The following METTL15 variants were observed in gnomAD, a reference collection of about 807,000 sequenced individuals.
The protein encoded by METTL15 is methyltransferase 15, mitochondrial 12S rRNA N4-cytidine.
METTL15 carries 34 observed loss-of-function variants against 38.3 expected under a neutral mutation model. The ratio of observed to expected loss-of-function variants is 0.89; its 90% CI spans 0.68 to 1.18. The LOEUF (loss-of-function observed/expected upper bound fraction) is 1.18, where lower values mean the gene tolerates loss of function less well. Ranked by LOEUF, METTL15 falls within the 50% of genes most tolerant of loss-of-function variation. The pLI, the probability that METTL15 is intolerant of heterozygous loss-of-function variation, is 0.00. For synonymous variants in METTL15, 162 were observed against 170.9 expected (o/e 0.95, Z 0.41); for missense variants, 438 against 498.4 (o/e 0.88, Z 1.15).
chr11:28,386,246 A>G (rs779821689), intron 5 of METTL15, among the ~76,000 whole-genome samples: 20 of 152,122 alleles, frequency 1.3e-4, no homozygotes, highest in East Asian at 7.7e-4. Flanking sequence ...GCAGTTTTAA[A>G]TCTTTCCCTA....
chr11:28,374,740 T>C (rs1005911217), intron 5 of METTL15, among the ~76,000 whole-genome samples: 9 of 151,556 alleles, frequency 5.9e-5, no homozygotes, highest in Middle Eastern at 3.4e-3. Flanking sequence ...CCCTGTCTTG[T>C]GCCAGTTTTC....
At chr11:28,483,047 A>C (rs1039251854) in intron 6 of METTL15, among the ~76,000 whole-genome samples, 5 of 152,090 alleles carry the variant, frequency 3.3e-5, no homozygotes, top group Non-Finnish European at 1.5e-5. Context: ...GAAAAAAAAA[A>C]ATGCTGCTAA....
intron 4 of METTL15, among the ~76,000 whole-genome samples, chr11:28,262,296 TATATAC>T (rs1229597058): frequency 1.3e-5 from 2 of 151,336 alleles, no homozygotes; most frequent in Non-Finnish European, 2.9e-5. Context: ...TATATATGTA[TATATAC>T]ATATATATGA....
intron 4 of METTL15, among the ~76,000 whole-genome samples, chr11:28,353,475 C>T (rs1850059655): frequency 6.6e-6 from 1 of 152,112 alleles, no homozygotes; most frequent in Non-Finnish European, 1.5e-5. Flanking sequence ...ATGATTATGT[C>T]TGTTAGAGGA....
chr11:28,398,429 T>C (rs1473737642), intron 5 of METTL15, among the ~76,000 whole-genome samples: 1 of 152,160 alleles, frequency 6.6e-6, no homozygotes, highest in Non-Finnish European at 1.5e-5. Context: ...TAATGACCAG[T>C]GATGATGAGC....
At chr11:28,492,461 C>T (rs185143233) in intron 6 of METTL15, among the ~76,000 whole-genome samples, 4 of 151,462 alleles carry the variant, frequency 2.6e-5, no homozygotes, top group African/African-American at 4.8e-5. Context: ...CCTTTGACTT[C>T]GTATTCTTGC....
chr11:28,192,578 A>T (rs1433017491), intron 3 of METTL15, among the ~76,000 whole-genome samples: 1 of 151,928 alleles, frequency 6.6e-6, no homozygotes, highest in Non-Finnish European at 1.5e-5. Context: ...TATTTCTTGG[A>T]AGATATTTTT....
At chr11:28,374,372 G>T in intron 5 of METTL15, among the ~76,000 whole-genome samples, 1 of 152,002 alleles carries the variant, frequency 6.6e-6, no homozygotes, top group Non-Finnish European at 1.5e-5. Context: ...CCTTGAAGAG[G>T]TCCTTCACAT....
intron 3 of METTL15, among the ~76,000 whole-genome samples, chr11:28,119,499 A>G (rs904523902): frequency 1.3e-5 from 2 of 152,198 alleles, no homozygotes; most frequent in Non-Finnish European, 2.9e-5. Context: ...GATCTGAAAA[A>G]ACAGATACAA....
chr11:28,194,124 C>CTTTCTTTCTTTCTTTCTTTCTT (rs1851803792), intron 3 of METTL15, among the ~76,000 whole-genome samples: 1 of 105,622 alleles, frequency 9.5e-6, no homozygotes, highest in Non-Finnish European at 1.9e-5. Context: ...GATGGTTGAT[C>CTTTCTTTCTTTCTTTCTTTCTT]TTTCTTTCTT....
At chr11:28,265,929 A>G (rs554900039) in intron 4 of METTL15, among the ~76,000 whole-genome samples, 33 of 152,328 alleles carry the variant, frequency 2.2e-4, no homozygotes, top group Non-Finnish European at 3.1e-4. Context: ...ATCATTTAAC[A>G]TTAGGTATAT....
At chr11:28,210,227 C>G (rs951025067) in intron 3 of METTL15, among the ~76,000 whole-genome samples, 5 of 151,976 alleles carry the variant, frequency 3.3e-5, no homozygotes, top group African/African-American at 7.2e-5. Context: ...GTGATTTGTA[C>G]TTAAGTACAT....
chr11:28,433,526 A>G (rs1188568621), intron 6 of METTL15, among the ~76,000 whole-genome samples: 3 of 152,214 alleles, frequency 2.0e-5, no homozygotes, highest in African/African-American at 7.2e-5. Flanking sequence ...TTTTCCAAGG[A>G]TACTGTAAAA....
intron 6 of METTL15, among the ~76,000 whole-genome samples, chr11:28,518,473 GA>G (rs979591220): frequency 9.2e-5 from 14 of 152,184 alleles, no homozygotes; most frequent in African/African-American, 3.4e-4. Context: ...ATTCCTGTTG[GA>G]AGACATAACC....
chr11:28,316,746 TCTC>T (rs1479718457), intron 6 of METTL15, among the ~76,000 whole-genome samples: 1 of 152,150 alleles, frequency 6.6e-6, no homozygotes, highest in East Asian at 1.9e-4. Context: ...TCCCGTTTGT[TCTC>T]CTGATAGTGA....
At chr11:28,360,680 C>A (rs946667637) in intron 4 of METTL15, among the ~76,000 whole-genome samples, 2 of 151,746 alleles carry the variant, frequency 1.3e-5, no homozygotes, top group East Asian at 3.9e-4. Context: ...TATTATACTT[C>A]AAGTTTTAGG....
chr11:28,199,451 C>T (rs1403159157), intron 3 of METTL15, among the ~76,000 whole-genome samples: 1 of 152,120 alleles, frequency 6.6e-6, no homozygotes, highest in Non-Finnish European at 1.5e-5. Context: ...TCTTAAACCT[C>T]TTCAAGAAGT....
chr11:28,148,689 A>G (rs780909059), intron 3 of METTL15, among the ~76,000 whole-genome samples: 2 of 151,940 alleles, frequency 1.3e-5, no homozygotes, highest in Non-Finnish European at 2.9e-5. Flanking sequence ...CCCGATTGTC[A>G]CAGTAGTTTA....
chr11:28,352,404 G>A (rs1305502205), intron 4 of METTL15, among the ~76,000 whole-genome samples: 1 of 152,138 alleles, frequency 6.6e-6, no homozygotes, highest in African/African-American at 2.4e-5. Flanking sequence ...CAGGATAGTA[G>A]GGGAGACAAT....
Sources: gnomAD v4.1 joint callset for allele counts (sites outside exome capture counted in the v4.1 genomes callset) on GRCh38, gnomAD v4.1.1 for gene constraint, MANE v1.5 for transcripts, NCBI Gene and HGNC (gene_info 2026-07-23, HGNC 2026-07-21) for gene names.